TTC23L: variants seen among roughly 807,000 people sequenced by gnomAD.
TTC23L encodes the protein tetratricopeptide repeat domain 23 like.
TTC23L carries 42 observed loss-of-function variants against 48.1 expected under a neutral mutation model. The observed-to-expected ratio is 0.87, with a 90% confidence interval of 0.68 to 1.13. TTC23L has a LOEUF of 1.13. Ranked by LOEUF, TTC23L falls within the 50% of genes most tolerant of loss-of-function variation. The probability of loss-of-function intolerance (pLI) is 0.00; values close to 1 mark genes in which losing one functional copy is unlikely to be tolerated. For missense variants in TTC23L, 391 were observed against 421.0 expected, an observed-to-expected ratio of 0.93 and a Z score of 0.62; for synonymous variants, 159 against 157.2, an observed-to-expected ratio of 1.01 and a Z score of -0.09.
At chr5:34,923,105 A>C in the TTC23L span, 1 of 1,589,796 alleles carries the variant, frequency 6.3e-7, no homozygotes, top group Non-Finnish European at 8.6e-7. Context: ...TCTTGGAATA[A>C]GGAACTAACA....
At chr5:34,871,172 A>G (rs1434408646) in intron 8 of TTC23L, among the ~76,000 whole-genome samples, 1 of 152,188 alleles carries the variant, frequency 6.6e-6, no homozygotes, top group Admixed American at 6.5e-5. Flanking sequence ...GAAAATGACA[A>G]ATAATCTACA....
At chr5:34,845,588 A>C (rs759157534) in exon 3 of TTC23L, 6 of 1,613,920 alleles carry the variant, frequency 3.7e-6, no homozygotes, top group Non-Finnish European at 5.1e-6. Context: ...AAAGAGAAGG[A>C]GAAGGCCATA....
chr5:34,866,132 TA>T (rs1325744710), intron 6 of TTC23L, among the ~76,000 whole-genome samples: 2 of 152,180 alleles, frequency 1.3e-5, no homozygotes, highest in Non-Finnish European at 2.9e-5. Context: ...TATCCTCATT[TA>T]AAAAAATTAT....
the TTC23L span, chr5:34,914,790 G>T: frequency 1.2e-6 from 2 of 1,614,224 alleles, no homozygotes; most frequent in Non-Finnish European, 1.7e-6. Context: ...TCTCGGAAAT[G>T]AATAGCTTTC....
intron 8 of TTC23L, among the ~76,000 whole-genome samples, chr5:34,872,117 C>CA (rs371443637): frequency 0.16 from 20,175 of 128,636 alleles, 1,456 homozygotes; most frequent in South Asian, 0.22. Flanking sequence ...ATCTCTACCA[C>CA]AAAAAAAAAA....
At chr5:34,840,607 A>G (rs1758568335) in intron 1 of TTC23L, 58 bp from the exon 2 acceptor site, 3 of 1,468,582 alleles carry the variant, frequency 2.0e-6, no homozygotes, top group Admixed American at 1.7e-5. Flanking sequence ...CAGAGGGGGA[A>G]AATAGAACAG....
chr5:34,911,833 A>T, the TTC23L span: 1 of 1,612,618 alleles, frequency 6.2e-7, no homozygotes, highest in South Asian at 1.1e-5. Flanking sequence ...AAGAAGTCAT[A>T]CTTGGCCTTA....
At chr5:34,876,815 A>G (rs1761865745) in intron 8 of TTC23L, among the ~76,000 whole-genome samples, 1 of 151,838 alleles carries the variant, frequency 6.6e-6, no homozygotes. Flanking sequence ...AGGGAGGGGA[A>G]CATCACACAT....
At chr5:34,864,369 T>C in intron 5 of TTC23L, 68 bp from the exon 6 acceptor site, 2 of 1,555,760 alleles carry the variant, frequency 1.3e-6, no homozygotes, top group Admixed American at 4.0e-5. Context: ...TTTTGTTTCC[T>C]TATCACCTGC....
chr5:34,872,361 G>A (rs1761527057), intron 8 of TTC23L, among the ~76,000 whole-genome samples: 1 of 152,032 alleles, frequency 6.6e-6, no homozygotes, highest in South Asian at 2.1e-4. Context: ...TAAAAGCAAA[G>A]TTACTCTTTT....
intron 9 of TTC23L, chr5:34,888,360 G>A: frequency 3.0e-6 from 1 of 328,460 alleles, no homozygotes; most frequent in Non-Finnish European, 4.4e-6. Context: ...CTTGTGACAA[G>A]ATCTCAGTTC....
At chr5:34,906,185 G>A in the TTC23L span, 1 of 152,044 alleles carries the variant, frequency 6.6e-6, no homozygotes, top group Non-Finnish European at 1.5e-5. Context: ...CGAACTTCCT[G>A]ACCTCAGATG....
At chr5:34,840,761 C>T in intron 2 of TTC23L, 22 bp downstream of exon 2, 1 of 1,607,224 alleles carries the variant, frequency 6.2e-7, no homozygotes, top group Non-Finnish European at 8.5e-7. Flanking sequence ...AGCATTTTGA[C>T]ATCACAGGTA....
chr5:34,906,593 C>T, the TTC23L span: 1 of 152,012 alleles, frequency 6.6e-6, no homozygotes, highest in South Asian at 2.1e-4. Flanking sequence ...GAACTGTAAT[C>T]CTACAACTGT....
chr5:34,848,933 TTAAGATA>T (rs1202166708), intron 3 of TTC23L, among the ~76,000 whole-genome samples: 1 of 152,240 alleles, frequency 6.6e-6, no homozygotes, highest in Non-Finnish European at 1.5e-5. Context: ...AATTTATATC[TTAAGATA>T]TAAACACATA....
At chr5:34,889,447 A>G (rs776335915) in intron 9 of TTC23L, among the ~76,000 whole-genome samples, 1 of 152,206 alleles carries the variant, frequency 6.6e-6, no homozygotes, top group Non-Finnish European at 1.5e-5. Flanking sequence ...TCCCCTTCTC[A>G]ACAGGTTCAC....
At chr5:34,872,330 T>A (rs1326812817) in intron 8 of TTC23L, among the ~76,000 whole-genome samples, 1 of 152,130 alleles carries the variant, frequency 6.6e-6, no homozygotes, top group Non-Finnish European at 1.5e-5. Context: ...TAAGTTTAAA[T>A]CATACTAGTA....
At chr5:34,902,685 T>G (rs894270091), downstream of TTC23L, among the ~76,000 whole-genome samples, 1 of 152,178 alleles carries the variant, frequency 6.6e-6, no homozygotes, top group African/African-American at 2.4e-5. Flanking sequence ...GGCCTTCTCC[T>G]GGCAGTTGCC....
intron 9 of TTC23L, among the ~76,000 whole-genome samples, chr5:34,881,189 T>G (rs1762201648): frequency 6.6e-6 from 1 of 152,232 alleles, no homozygotes; most frequent in African/African-American, 2.4e-5. Flanking sequence ...CATTGTAAAT[T>G]TAATATTTTA....
Sources: gnomAD v4.1 joint callset for allele counts (sites outside exome capture counted in the v4.1 genomes callset) on GRCh38, gnomAD v4.1.1 for gene constraint, MANE v1.5 for transcripts, NCBI Gene and HGNC (gene_info 2026-07-23, HGNC 2026-07-21) for gene names.